OR51E1: variants seen among roughly 807,000 people sequenced by gnomAD.
OR51E1 encodes olfactory receptor family 51 subfamily E member 1, also known as olfactory receptor 51E1.
Under a neutral mutation model 11.5 loss-of-function variants are expected in OR51E1, and 9 were observed. The observed-to-expected ratio is 0.78, with a 90% CI of 0.47 to 1.37. The LOEUF is 1.37. Ranked by LOEUF, OR51E1 falls within the 40% of genes most tolerant of loss-of-function variation. The pLI is 0.00. For synonymous variants in OR51E1, 168 were observed against 158.3 expected (o/e 1.06, Z -0.46); for missense variants, 397 against 410.2 (o/e 0.97, Z 0.28).
At chr11:4,647,037 T>C (rs1393347390) in intron 1 of OR51E1, among the ~76,000 whole-genome samples, 1 of 152,188 alleles carries the variant, frequency 6.6e-6, no homozygotes, top group Non-Finnish European at 1.5e-5. Flanking sequence ...GGGATGTTGA[T>C]GACTTTGGCC....
At chr11:4,649,169 A>C (rs1847064352) in intron 1 of OR51E1, among the ~76,000 whole-genome samples, 2 of 152,214 alleles carry the variant, frequency 1.3e-5, no homozygotes. Context: ...ATTCAGGGGA[A>C]AATATAGCAA....
Position 4,655,185 on chromosome 11 carries a change from G to A in OR51E1, c.*1702G>A, listed in dbSNP as rs12418927. ...CCTTCTGTCCTGAACACATAGCCAG[G>A]CAATTTTCCAGCCTTCTTTGAGTTG... On this transcript the variant is annotated 3_prime_UTR_variant, in exon 2 of 2. Coordinates refer to ENST00000396952, the MANE Select transcript of OR51E1 (RefSeq NM_152430.4). 0.12 allele frequency: 19,660 copies of A among 167,104 alleles called. 1,505 individuals are homozygous for A. The highest frequency in any genetic ancestry group is 0.18 in the Non-Finnish European group (12,057 of 68,078). The allele number at this position is 167,104 out of a possible 1,614,324, so 10.4% of individuals were successfully genotyped here.
At chr11:4,646,304 T>A (rs1473892668) in intron 1 of OR51E1, among the ~76,000 whole-genome samples, 1 of 152,168 alleles carries the variant, frequency 6.6e-6, no homozygotes, top group African/African-American at 2.4e-5. Flanking sequence ...ACACTGAACC[T>A]AAGTGGGGAG....
At chr11:4,644,238 G>A (rs1847000777) in intron 1 of OR51E1, among the ~76,000 whole-genome samples, 1 of 152,134 alleles carries the variant, frequency 6.6e-6, no homozygotes, top group Non-Finnish European at 1.5e-5. Context: ...GCTGGAGGTA[G>A]CCTAAGGGTA....
chr11:4,652,502 G>A lies in OR51E1; in HGVS notation c.-25G>A. ...TTGCATTCCAGCCTCTACCTGCCTG[G>A]TGCTGGTCACAGTTCAGCTTCTTCA... On this transcript the variant is annotated 5_prime_UTR_variant, in exon 2 of 2. In the 5' UTR this introduces an upstream ATG that the reference lacks. Transcript: ENST00000396952. The A allele has an allele frequency of 6.6e-6, 10 of 1,523,234 alleles. No individual in the cohort carries two copies. Among genetic ancestry groups the A allele is most frequent in the Non-Finnish European group, 9.1e-6 (10 of 1,102,322 alleles). 94.4% of individuals were successfully genotyped at this position (1,523,234 alleles called of 1,614,324 possible).
intron 1 of OR51E1, among the ~76,000 whole-genome samples, chr11:4,647,425 A>T (rs1336551939): frequency 6.6e-6 from 1 of 152,072 alleles, no homozygotes; most frequent in East Asian, 1.9e-4. Flanking sequence ...GAACATTGGG[A>T]TGCTTCAGGG....
intron 1 of OR51E1, among the ~76,000 whole-genome samples, chr11:4,651,831 G>A (rs1847102440): frequency 6.6e-6 from 1 of 152,194 alleles, no homozygotes; most frequent in African/African-American, 2.4e-5. Flanking sequence ...GATTAATTTA[G>A]TGTCAGTTTT....
Position 4,653,728 on chromosome 11 carries a change from A to T in OR51E1, c.*245A>T, listed in dbSNP as rs2133228525. 1 of 415,858 alleles carries T rather than the reference A, an allele frequency of 2.4e-6. No homozygotes were observed. The highest frequency in any genetic ancestry group is 4.3e-5 in the East Asian group (1 of 23,376). 25.8% of individuals were successfully genotyped at this position (415,858 alleles called of 1,614,324 possible). On this transcript the variant is annotated 3_prime_UTR_variant, in exon 2 of 2. Coordinates refer to ENST00000396952, the MANE Select transcript of OR51E1 (RefSeq NM_152430.4). ...TTGGAGGGTTATTACTTTTCATTTT[A>T]CCATGCAGTCCAAATCTAAACTGCT...
In OR51E1 at chr11:4,653,299, TTGGATTGTCCA is replaced by T. The variant is rs1353778955; in HGVS notation, c.777_787del (p.Leu260AlafsTer4). On this transcript the variant is annotated frameshift_variant, in exon 2 of 2. Coordinates refer to ENST00000396952, the MANE Select transcript of OR51E1 (RefSeq NM_152430.4). LOFTEE classifies it high-confidence loss of function. Reference sequence around the variant, plus strand: ...GTGTTCATATTCTATGTACCTTTCATTGGATTGTCCATGGTGCATCGCTTTAGCAAGCGGCG... The same window carrying T: ...GTGTTCATATTCTATGTACCTTTCATTGGTGCATCGCTTTAGCAAGCGGCG... The T allele has an allele frequency of 6.2e-7, 1 of 1,614,192 alleles. No homozygotes were observed. The highest frequency in any genetic ancestry group is 8.5e-7 in the Non-Finnish European group (1 of 1,180,030).
chr11:4,645,058 G>C (rs111429669), intron 1 of OR51E1, among the ~76,000 whole-genome samples: 1 of 152,018 alleles, frequency 6.6e-6, no homozygotes, highest in African/African-American at 2.4e-5. Context: ...CTTAAGAGAG[G>C]CTTTTTCTGA....
intron 1 of OR51E1, among the ~76,000 whole-genome samples, chr11:4,650,759 C>G (rs1589861894): frequency 6.6e-6 from 1 of 152,080 alleles, no homozygotes; most frequent in Non-Finnish European, 1.5e-5. Context: ...AACTACAATA[C>G]ACATGATCTA....
chr11:4,653,293 CT>C lies in OR51E1; in HGVS notation c.770del (p.Phe257SerfsTer40). 1 of 1,614,130 alleles carries C rather than the reference CT, an allele frequency of 6.2e-7. No homozygotes were observed. Among genetic ancestry groups the C allele is most frequent in the Non-Finnish European group, 8.5e-7 (1 of 1,180,016 alleles). On this transcript the variant is annotated frameshift_variant, in exon 2 of 2. Transcript: ENST00000396952. LOFTEE classifies it high-confidence loss of function. ...TGTGCTGTGTTCATATTCTATGTAC[CT>C]TTCATTGGATTGTCCATGGTGCATC... is the stretch of plus-strand genomic sequence containing the variant. ...HVCAVFIFYVPFIGLSMVHRF... is the reference protein window; with the variant it reads ...HVCAVFIFYVXFIGLSMVHRF...
chr11:4,650,364 G>A (rs979178509), intron 1 of OR51E1, among the ~76,000 whole-genome samples: 1 of 152,196 alleles, frequency 6.6e-6, no homozygotes, highest in Non-Finnish European at 1.5e-5. Flanking sequence ...CTAAGAAGGA[G>A]GAAAGTGCTC....
chr11:4,647,159 A>G (rs567798879), intron 1 of OR51E1, among the ~76,000 whole-genome samples: 6 of 152,268 alleles, frequency 3.9e-5, no homozygotes, highest in Non-Finnish European at 2.9e-5. Context: ...ATTAGAGATA[A>G]TATTTATACA....
At chr11:4,644,383 C>G (rs4910522) in intron 1 of OR51E1, among the ~76,000 whole-genome samples, 1 of 151,264 alleles carries the variant, frequency 6.6e-6, no homozygotes, top group Admixed American at 6.6e-5. Flanking sequence ...GGGGTTGGGT[C>G]GGGGTTTGGT....
chr11:4,649,399 A>G (rs1847067114), intron 1 of OR51E1, among the ~76,000 whole-genome samples: 1 of 152,144 alleles, frequency 6.6e-6, no homozygotes, highest in African/African-American at 2.4e-5. Flanking sequence ...GGGGATGAGA[A>G]GTAAAAAAAG....
intron 1 of OR51E1, among the ~76,000 whole-genome samples, chr11:4,649,637 A>T (rs11821069): frequency 0.064 from 9,786 of 152,196 alleles, 1,023 homozygotes; most frequent in African/African-American, 0.22. Flanking sequence ...AGCTGGTTTC[A>T]TCTGGTTAGA....
chr11:4,649,144 G>A (rs1589861413), intron 1 of OR51E1, among the ~76,000 whole-genome samples: 1 of 152,098 alleles, frequency 6.6e-6, no homozygotes, highest in African/African-American at 2.4e-5. Context: ...GGTTCCTGGT[G>A]TTCAGGAGCT....
rs1016122219 is a variant in OR51E1, at chr11:4,655,093, C to A, written c.*1610C>A. 1 of 167,058 alleles carries A rather than the reference C, an allele frequency of 6.0e-6. No homozygotes were observed. The highest frequency in any genetic ancestry group is 6.5e-5 in the Admixed American group (1 of 15,286). 10.3% of individuals were successfully genotyped at this position (167,058 alleles called of 1,614,324 possible). On this transcript the variant is annotated 3_prime_UTR_variant, in exon 2 of 2. Transcript: ENST00000396952. ...TGCTCTTTGCTCATCATTGAATCCCCCAGCAAAGTGCCTAGAACATAATAG... is the reference window on the plus strand; with the variant it reads ...TGCTCTTTGCTCATCATTGAATCCCACAGCAAAGTGCCTAGAACATAATAG...
Sources: gnomAD v4.1 joint callset for allele counts (sites outside exome capture counted in the v4.1 genomes callset) on GRCh38, gnomAD v4.1.1 for gene constraint, MANE v1.5 for transcripts, NCBI Gene and HGNC (gene_info 2026-07-23, HGNC 2026-07-21) for gene names.